KLHL1: variants seen among roughly 807,000 people sequenced by gnomAD.
The protein encoded by KLHL1 is kelch like family member 1, also known as kelch-like protein 1.
Under a neutral mutation model 77.7 loss-of-function variants are expected in KLHL1, and 47 were observed. The observed-to-expected ratio is 0.60, with a 90% CI of 0.48 to 0.77. The LOEUF (loss-of-function observed/expected upper bound fraction) is 0.77. KLHL1 is among the 30% of genes least tolerant of loss of function. KLHL1 has a pLI of 0.00. For synonymous variants in KLHL1, 360 were observed against 325.2 expected (o/e 1.11, Z -1.15); for missense variants, 925 against 910.8 (o/e 1.02, Z -0.20).
rs1566357351 is a variant in KLHL1, at chr13:69,719,378, T to G, written c.2006A>C (p.Tyr669Ser). 6.2e-7 allele frequency: 1 copy of G among 1,613,218 alleles called. No homozygotes were observed. Residue 669 changes from tyrosine to serine, a missense_variant, in exon 9 of 11, where the codon TAT (tyrosine) becomes TCT (serine). Physicochemically the swap from Tyr to Ser is moderately radical, Grantham distance 144. Coordinates refer to ENST00000377844, the MANE Select transcript of KLHL1 (RefSeq NM_020866.3). ...GTCCTTGGGGTCTTACCTTTCTACA[T>G]AATCCAGTAGCCGGGAACAGTGATT... ...ASNHCSRLLD[Y>S]VERYDPKTDT... is the part of the protein sequence containing the mutation.
chr13:69,887,739 T>C (rs774758830), intron 4 of KLHL1, among the ~76,000 whole-genome samples: 1 of 152,178 alleles, frequency 6.6e-6, no homozygotes, highest in Non-Finnish European at 1.5e-5. Flanking sequence ...GTCATAGTTC[T>C]AGCAACATTC....
chr13:69,950,809 T>C (rs879628608), intron 3 of KLHL1, among the ~76,000 whole-genome samples: 1 of 151,618 alleles, frequency 6.6e-6, no homozygotes, highest in Non-Finnish European at 1.5e-5. Flanking sequence ...AAATATTCTG[T>C]TGCTTAATGC....
chr13:70,061,340 A>AT (rs34892755), intron 1 of KLHL1, among the ~76,000 whole-genome samples: 1,595 of 145,856 alleles, frequency 0.011, 25 homozygotes, highest in African/African-American at 0.035. Flanking sequence ...CCTGAATTCC[A>AT]TTTTTTTTTT....
At chr13:69,702,994 C>T (rs924328295) in intron 10 of KLHL1, among the ~76,000 whole-genome samples, 2 of 151,630 alleles carry the variant, frequency 1.3e-5, no homozygotes, top group Non-Finnish European at 3.0e-5. Flanking sequence ...GTATGCAAAC[C>T]TAAGTTTACC....
chr13:69,952,083 A>G (rs1883728571), intron 3 of KLHL1, among the ~76,000 whole-genome samples: 1 of 151,446 alleles, frequency 6.6e-6, no homozygotes, highest in South Asian at 2.1e-4. Flanking sequence ...AGGGGGTTTG[A>G]TTACAAGGTT....
intron 4 of KLHL1, among the ~76,000 whole-genome samples, chr13:69,885,988 T>C (rs76153353): frequency 0.014 from 2,110 of 152,240 alleles, 44 homozygotes; most frequent in African/African-American, 0.048. Flanking sequence ...GAGTATAGTA[T>C]GTGATGCCAT....
intron 8 of KLHL1, among the ~76,000 whole-genome samples, chr13:69,736,634 C>A (rs1458577141): frequency 1.3e-5 from 2 of 151,762 alleles, no homozygotes; most frequent in Non-Finnish European, 2.9e-5. Flanking sequence ...AATATGGAAC[C>A]AGCCCAAATG....
At chr13:69,939,793 T>C (rs551011098) in intron 4 of KLHL1, among the ~76,000 whole-genome samples, 30 of 152,236 alleles carry the variant, frequency 2.0e-4, no homozygotes, top group African/African-American at 7.2e-4. Context: ...ATGTCTTTTA[T>C]GATAAACCAA....
At chr13:69,885,396 C>T (rs932172069) in intron 4 of KLHL1, among the ~76,000 whole-genome samples, 9 of 150,952 alleles carry the variant, frequency 6.0e-5, no homozygotes, top group Admixed American at 4.0e-4. Context: ...ATCTTTCACA[C>T]TTACCTACGT....
At chr13:69,763,430 G>A (rs1195013498) in intron 7 of KLHL1, among the ~76,000 whole-genome samples, 1 of 152,144 alleles carries the variant, frequency 6.6e-6, no homozygotes, top group East Asian at 1.9e-4. Context: ...CTTCCTGATG[G>A]TCACAATAGT....
chr13:69,836,149 C>T (rs112226925), intron 6 of KLHL1, among the ~76,000 whole-genome samples: 3 of 152,202 alleles, frequency 2.0e-5, no homozygotes, highest in African/African-American at 7.2e-5. Context: ...ATGATTGATT[C>T]ATAAGCAGCT....
intron 7 of KLHL1, among the ~76,000 whole-genome samples, chr13:69,782,906 C>A (rs908689012): frequency 6.6e-6 from 1 of 152,198 alleles, no homozygotes; most frequent in Non-Finnish European, 1.5e-5. Flanking sequence ...CTGGGAGGCA[C>A]CCCCAAGTAG....
intron 5 of KLHL1, among the ~76,000 whole-genome samples, chr13:69,871,266 A>G (rs1222772615): frequency 2.0e-5 from 3 of 152,158 alleles, no homozygotes; most frequent in Non-Finnish European, 4.4e-5. Context: ...AGTACTCCAA[A>G]GTGGCACAGG....
At chr13:69,908,998 T>C (rs2138239856) in intron 4 of KLHL1, among the ~76,000 whole-genome samples, 1 of 149,804 alleles carries the variant, frequency 6.7e-6, no homozygotes, top group Non-Finnish European at 1.5e-5. Context: ...GCAAATTTAG[T>C]TCCTAAATAT....
intron 1 of KLHL1, among the ~76,000 whole-genome samples, chr13:70,068,883 T>C (rs1887075577): frequency 6.6e-6 from 1 of 151,884 alleles, no homozygotes; most frequent in Admixed American, 6.6e-5. Context: ...CTTTCCTGAG[T>C]TTTACCTCCA....
At chr13:69,743,439 A>C (rs1593790614) in intron 7 of KLHL1, among the ~76,000 whole-genome samples, 1 of 152,262 alleles carries the variant, frequency 6.6e-6, no homozygotes, top group East Asian at 1.9e-4. Context: ...ATATTCTGGG[A>C]GTCTTGCTGT....
At chr13:69,780,243 A>G (rs1876072781) in intron 7 of KLHL1, among the ~76,000 whole-genome samples, 2 of 152,190 alleles carry the variant, frequency 1.3e-5, no homozygotes, top group South Asian at 2.1e-4. Context: ...TTGCATCTCC[A>G]ACTTACCTCC....
chr13:69,742,589 G>A (rs1295715458), intron 7 of KLHL1, among the ~76,000 whole-genome samples: 1 of 152,158 alleles, frequency 6.6e-6, no homozygotes, highest in Non-Finnish European at 1.5e-5. Context: ...ATCAGTCAAT[G>A]AATCAACTAA....
intron 6 of KLHL1, among the ~76,000 whole-genome samples, chr13:69,837,191 T>C (rs1315989777): frequency 6.6e-6 from 1 of 151,846 alleles, no homozygotes; most frequent in African/African-American, 2.4e-5. Context: ...TCCCACCCAC[T>C]AATTTTTCAT....
Sources: gnomAD v4.1 joint callset for allele counts (sites outside exome capture counted in the v4.1 genomes callset) on GRCh38, gnomAD v4.1.1 for gene constraint, MANE v1.5 for transcripts, NCBI Gene and HGNC (gene_info 2026-07-23, HGNC 2026-07-21) for gene names.